MYO3B: variants seen among roughly 807,000 people sequenced by gnomAD.
MYO3B encodes myosin IIIB.
In MYO3B, 156 loss-of-function variants were observed where a neutral mutation model predicts 174.6. The ratio of observed to expected loss-of-function variants is 0.89; its 90% CI spans 0.78 to 1.02. The LOEUF (loss-of-function observed/expected upper bound fraction) is 1.02. MYO3B is among the 50% of genes least tolerant of loss of function. The pLI is 0.00. For synonymous variants in MYO3B, 563 were observed against 569.1 expected (o/e 0.99, Z 0.15); for missense variants, 1,632 against 1,639.4 (o/e 1.00, Z 0.08).
At chr2:170,633,167 A>G (rs1046088352) in intron 32 of MYO3B, among the ~76,000 whole-genome samples, 3 of 152,216 alleles carry the variant, frequency 2.0e-5, no homozygotes, top group African/African-American at 4.8e-5. Context: ...AGACACAACA[A>G]AACAAGAGAA....
intron 32 of MYO3B, among the ~76,000 whole-genome samples, chr2:170,581,399 A>G (rs974316033): frequency 5.9e-5 from 9 of 152,150 alleles, no homozygotes; most frequent in Non-Finnish European, 8.8e-5. Context: ...ATGCATTGCA[A>G]ATATATTCTC....
chr2:170,480,665 C>T (rs889736839), intron 25 of MYO3B, among the ~76,000 whole-genome samples: 3 of 152,122 alleles, frequency 2.0e-5, no homozygotes, highest in African/African-American at 7.2e-5. Flanking sequence ...GGACTGAGCC[C>T]TCAACCAGTG....
rs576534438 is a variant in MYO3B, at chr2:170,206,013, C to A, written c.321+5729C>A. 6.6e-5 allele frequency among the ~76,000 whole-genome samples: 10 copies of A among 152,092 alleles called. No individual in the cohort carries two copies. In the South Asian group the frequency reaches 2.1e-3, roughly 32 times the overall value. On this transcript the variant is annotated intron_variant, in intron 3 of 34. Coordinates refer to ENST00000408978, the MANE Select transcript of MYO3B (RefSeq NM_138995.5). This position sits in a 1 kb window ranked among gnomAD's most constrained non-coding sequence, Gnocchi z 4.3. ...GCCCATACTCCTTAGCAGGGCATACCTGTCATTCCCTGTCATTGGCCTTCC... is the reference window on the plus strand; with the variant it reads ...GCCCATACTCCTTAGCAGGGCATACATGTCATTCCCTGTCATTGGCCTTCC...
At chr2:170,527,492 A>G (rs192293061) in intron 30 of MYO3B, among the ~76,000 whole-genome samples, 219 of 152,326 alleles carry the variant, frequency 1.4e-3, no homozygotes, top group African/African-American at 4.9e-3. Flanking sequence ...AAACCTGAGT[A>G]TCTGGCAGCA....
chr2:170,523,695 C>G (rs900540548), intron 30 of MYO3B, among the ~76,000 whole-genome samples: 2 of 152,198 alleles, frequency 1.3e-5, no homozygotes, highest in Admixed American at 1.3e-4. Flanking sequence ...GTCATGCCCC[C>G]ACTTATGGCC....
At chr2:170,513,744 CTT>C (rs1688122716) in intron 28 of MYO3B, among the ~76,000 whole-genome samples, 1 of 152,144 alleles carries the variant, frequency 6.6e-6, no homozygotes, top group African/African-American at 2.4e-5. Context: ...GCCTGTGTCT[CTT>C]TAATTTACTT....
At chr2:170,440,368 A>G (rs1288790166) in intron 22 of MYO3B, among the ~76,000 whole-genome samples, 1 of 152,188 alleles carries the variant, frequency 6.6e-6, no homozygotes, top group Admixed American at 6.5e-5. Context: ...AATGCTTGGG[A>G]TAGTATGAAC....
At chr2:170,238,948 G>A (rs958315565) in intron 7 of MYO3B, among the ~76,000 whole-genome samples, 1 of 152,116 alleles carries the variant, frequency 6.6e-6, no homozygotes, top group African/African-American at 2.4e-5. Flanking sequence ...GAAATACTGC[G>A]TGACTCACAA....
chr2:170,336,758 A>T (rs2093949815), intron 8 of MYO3B, among the ~76,000 whole-genome samples: 1 of 152,206 alleles, frequency 6.6e-6, no homozygotes, highest in Admixed American at 6.5e-5. Flanking sequence ...TAAAATTCTG[A>T]ATTCCAAAAT....
chr2:170,320,677 T>A (rs1313995219), intron 7 of MYO3B, among the ~76,000 whole-genome samples: 1 of 151,930 alleles, frequency 6.6e-6, no homozygotes, highest in Non-Finnish European at 1.5e-5. Context: ...TATGTAAATA[T>A]TATTTACATA....
intron 22 of MYO3B, among the ~76,000 whole-genome samples, chr2:170,422,383 G>A (rs2094622788): frequency 6.6e-6 from 1 of 152,092 alleles, no homozygotes. Flanking sequence ...ACTCTGGTTT[G>A]GAAGTGTTTA....
chr2:170,480,332 A>C (rs1685611824), intron 25 of MYO3B, among the ~76,000 whole-genome samples: 1 of 152,166 alleles, frequency 6.6e-6, no homozygotes, highest in Non-Finnish European at 1.5e-5. Flanking sequence ...ATGAAGCTTC[A>C]GTGATAACCC....
chr2:170,585,007 A>G (rs1693409324), intron 32 of MYO3B, among the ~76,000 whole-genome samples: 1 of 152,202 alleles, frequency 6.6e-6, no homozygotes, highest in South Asian at 2.1e-4. Flanking sequence ...GCAGTTCTCA[A>G]CCTTGGCTAC....
intron 7 of MYO3B, among the ~76,000 whole-genome samples, chr2:170,307,747 T>A (rs552536243): frequency 6.6e-6 from 1 of 152,348 alleles, no homozygotes; most frequent in East Asian, 1.9e-4. Context: ...CCATAGGTAG[T>A]GCAGCAAGAA....
intron 3 of MYO3B, among the ~76,000 whole-genome samples, chr2:170,208,838 C>T (rs936280914): frequency 6.6e-6 from 1 of 152,130 alleles, no homozygotes; most frequent in Non-Finnish European, 1.5e-5. Flanking sequence ...TCTACATAGG[C>T]CTTTTAGATT....
intron 23 of MYO3B, among the ~76,000 whole-genome samples, chr2:170,459,271 T>C (rs2105946717): frequency 6.6e-6 from 1 of 152,284 alleles, no homozygotes; most frequent in East Asian, 1.9e-4. Flanking sequence ...GATTGGTCCA[T>C]TTTACAGAGA....
intron 25 of MYO3B, among the ~76,000 whole-genome samples, chr2:170,479,636 T>G (rs1685554657): frequency 6.8e-6 from 1 of 146,540 alleles, no homozygotes; most frequent in Non-Finnish European, 1.5e-5. Context: ...ATAGGTTTTA[T>G]ATATACATAT....
intron 22 of MYO3B, among the ~76,000 whole-genome samples, chr2:170,431,982 G>A (rs192920916): frequency 6.6e-6 from 1 of 152,178 alleles, no homozygotes; most frequent in Admixed American, 6.5e-5. Flanking sequence ...GGTGTTTGTG[G>A]TGATGCTGAT....
At chr2:170,575,843 G>A (rs932427743) in intron 32 of MYO3B, among the ~76,000 whole-genome samples, 11 of 152,134 alleles carry the variant, frequency 7.2e-5, no homozygotes, top group African/African-American at 1.4e-4. Flanking sequence ...TTAACAAATC[G>A]TAACTGGCAG....
Sources: allele counts gnomAD v4.1 joint callset (sites outside exome capture counted in the v4.1 genomes callset), GRCh38; gene constraint gnomAD v4.1.1; non-coding constraint Gnocchi (gnomAD v3.1); transcripts MANE v1.5; gene names NCBI Gene and HGNC (gene_info 2026-07-23, HGNC 2026-07-21).